SLC24A2: variants seen among roughly 807,000 people sequenced by gnomAD.
The protein encoded by SLC24A2 is sodium/potassium/calcium exchanger 2.
In SLC24A2, 36 loss-of-function variants were observed where a neutral mutation model predicts 62.0. The ratio of observed to expected loss-of-function variants is 0.58; its 90% CI spans 0.44 to 0.77. The LOEUF is 0.77. Among genes scored for constraint, SLC24A2 ranks in the 30% least tolerant of loss-of-function variants. The pLI, the probability that SLC24A2 is intolerant of heterozygous loss-of-function variation, is 0.00. For missense variants in SLC24A2, 846 were observed against 817.9 expected, an observed-to-expected ratio of 1.03 and a Z score of -0.42; for synonymous variants, 358 against 294.0, an observed-to-expected ratio of 1.22 and a Z score of -2.23.
At chr9:20,116,625 G>A in the SLC24A2 span, among the ~76,000 whole-genome samples, 1 of 152,044 alleles carries the variant, frequency 6.6e-6, no homozygotes, top group Non-Finnish European at 1.5e-5. Context: ...AGTTCCTTTA[G>A]GCCTGAGATC....
At chr9:20,269,796 ATCT>A in the SLC24A2 span, among the ~76,000 whole-genome samples, 3 of 151,706 alleles carry the variant, frequency 2.0e-5, no homozygotes, top group Admixed American at 6.6e-5. Context: ...TTTGTTTTTT[ATCT>A]TCTTCTTGGC....
chr9:19,755,759 C>T (rs1027377133), intron 2 of SLC24A2, among the ~76,000 whole-genome samples: 2 of 152,190 alleles, frequency 1.3e-5, no homozygotes, highest in Admixed American at 1.3e-4. Context: ...AGACAGCCAA[C>T]GTGCTAGTCA....
the SLC24A2 span, among the ~76,000 whole-genome samples, chr9:19,845,769 G>C: frequency 4.6e-5 from 7 of 152,120 alleles, no homozygotes; most frequent in African/African-American, 1.7e-4. Flanking sequence ...TTGCATTCCA[G>C]AGATTTTGGT....
At chr9:20,289,776 G>C in the SLC24A2 span, among the ~76,000 whole-genome samples, 14 of 152,258 alleles carry the variant, frequency 9.2e-5, no homozygotes, top group East Asian at 2.7e-3. Context: ...GTTATATCAG[G>C]ATGCCACACT....
intron 4 of SLC24A2, among the ~76,000 whole-genome samples, chr9:19,613,409 T>C (rs1018006007): frequency 2.6e-5 from 4 of 152,188 alleles, no homozygotes; most frequent in African/African-American, 9.6e-5. Flanking sequence ...TTTTCACTTC[T>C]TTGAACTGAA....
chr9:20,044,179 T>C, the SLC24A2 span, among the ~76,000 whole-genome samples: 3 of 152,338 alleles, frequency 2.0e-5, 1 homozygote, highest in African/African-American at 7.2e-5. Flanking sequence ...GCAAACTTTT[T>C]ATACATAATG....
At chr9:19,598,433 T>A (rs1307136877) in intron 4 of SLC24A2, among the ~76,000 whole-genome samples, 1 of 152,192 alleles carries the variant, frequency 6.6e-6, no homozygotes, top group Non-Finnish European at 1.5e-5. Context: ...GTATGATACA[T>A]CATTTACACA....
the SLC24A2 span, among the ~76,000 whole-genome samples, chr9:20,055,695 C>G: frequency 6.6e-6 from 1 of 152,050 alleles, no homozygotes; most frequent in Non-Finnish European, 1.5e-5. Context: ...CAAGACCACC[C>G]TGGGCAACAT....
the SLC24A2 span, among the ~76,000 whole-genome samples, chr9:20,110,112 T>G: frequency 6.6e-6 from 1 of 152,104 alleles, no homozygotes; most frequent in South Asian, 2.1e-4. Flanking sequence ...ACTCACTCAT[T>G]TCATGAAGAA....
chr9:20,291,124 A>T, the SLC24A2 span, among the ~76,000 whole-genome samples: 4 of 152,208 alleles, frequency 2.6e-5, no homozygotes, highest in African/African-American at 9.6e-5. Context: ...TACGGAAGTC[A>T]TGATGAGAAG....
chr9:20,155,133 A>G, the SLC24A2 span, among the ~76,000 whole-genome samples: 1 of 149,934 alleles, frequency 6.7e-6, no homozygotes, highest in Non-Finnish European at 1.5e-5. Context: ...CCAACTGGAA[A>G]AAAAAAAAGA....
At chr9:20,066,759 ACACT>A in the SLC24A2 span, among the ~76,000 whole-genome samples, 3 of 152,178 alleles carry the variant, frequency 2.0e-5, no homozygotes, top group African/African-American at 7.2e-5. Context: ...AAAATAGCCC[ACACT>A]CACTCACTAC....
chr9:20,153,758 A>T, the SLC24A2 span, among the ~76,000 whole-genome samples: 1 of 152,008 alleles, frequency 6.6e-6, no homozygotes, highest in Non-Finnish European at 1.5e-5. Context: ...CTATGCAGAA[A>T]AAAAGTATTG....
the SLC24A2 span, among the ~76,000 whole-genome samples, chr9:19,902,461 A>T: frequency 2.0e-3 from 306 of 152,280 alleles, 1 homozygote; most frequent in African/African-American, 6.6e-3. Context: ...GTAATCAGAT[A>T]TTTTTTTAAT....
At chr9:20,136,718 A>G in the SLC24A2 span, among the ~76,000 whole-genome samples, 2 of 152,178 alleles carry the variant, frequency 1.3e-5, no homozygotes, top group Non-Finnish European at 2.9e-5. Flanking sequence ...TAAGGAATAC[A>G]TAACAATAGC....
the SLC24A2 span, among the ~76,000 whole-genome samples, chr9:19,871,413 C>T: frequency 6.6e-6 from 1 of 152,120 alleles, no homozygotes; most frequent in East Asian, 1.9e-4. Context: ...TGTTTTTCCA[C>T]TGGTAGTTTT....
the SLC24A2 span, among the ~76,000 whole-genome samples, chr9:19,873,449 CTTTCTTTCTTTCTT>C: frequency 1.6e-5 from 2 of 124,216 alleles, no homozygotes; most frequent in East Asian, 2.1e-4. Flanking sequence ...CTTTCTTTCT[CTTTCTTTCTTTCTT>C]TTTCTTTCTC....
At chr9:19,905,759 G>A in the SLC24A2 span, among the ~76,000 whole-genome samples, 1 of 152,018 alleles carries the variant, frequency 6.6e-6, no homozygotes, top group Non-Finnish European at 1.5e-5. Flanking sequence ...TGTCCTCTTA[G>A]GTTTAGTTCC....
At chr9:20,101,835 G>A in the SLC24A2 span, among the ~76,000 whole-genome samples, 1 of 152,172 alleles carries the variant, frequency 6.6e-6, no homozygotes, top group Non-Finnish European at 1.5e-5. Flanking sequence ...GTATAAAGAA[G>A]TGATCCCAAT....
Sources: allele counts gnomAD v4.1 joint callset (sites outside exome capture counted in the v4.1 genomes callset), GRCh38; gene constraint gnomAD v4.1.1; transcripts MANE v1.5; gene names NCBI Gene and HGNC (gene_info 2026-07-23, HGNC 2026-07-21).